TRARG1: variants seen among roughly 807,000 people sequenced by gnomAD.
TRARG1 encodes the protein trafficking regulator of GLUT4 1.
TRARG1 carries 16 observed loss-of-function variants against 13.3 expected under a neutral mutation model. That is an observed-to-expected ratio of 1.20 (90% CI 0.81 to 1.83). The LOEUF (loss-of-function observed/expected upper bound fraction) is 1.83, where lower values mean the gene tolerates loss of function less well. TRARG1 is among the 40% of genes most tolerant of loss of function. TRARG1 has a pLI of 0.00. For missense variants in TRARG1, 250 were observed against 237.4 expected (o/e 1.05, Z -0.35); for synonymous variants, 113 against 106.2 (o/e 1.06, Z -0.39).
intron 1 of TRARG1, among the ~76,000 whole-genome samples, chr17:1,284,457 G>C (rs1042802908): frequency 2.6e-5 from 4 of 152,284 alleles, no homozygotes; most frequent in Non-Finnish European, 5.9e-5. Context: ...AGGGGATGAG[G>C]CTGGCGTTCA....
intron 1 of TRARG1, among the ~76,000 whole-genome samples, chr17:1,282,334 G>GTATATGTACATATGCGTATATATGTACA (rs2071989285): frequency 6.7e-6 from 1 of 148,434 alleles, no homozygotes; most frequent in East Asian, 1.9e-4. Context: ...ATATATGTAC[G>GTATATGTACATATGCGTATATATGTACA]TATATGTACA....
rs2071957393 is a variant in TRARG1, at chr17:1,279,747, T to C, written c.-255T>C. On this transcript the variant is annotated 5_prime_UTR_variant, in exon 1 of 3. Coordinates refer to ENST00000333813, the MANE Select transcript of TRARG1 (RefSeq NM_172367.3). Reference sequence around the variant, plus strand: ...AGCACCAGCAAAGTTGGCCTCAAACTTGAACAAAGCTGCAGGCTCCAGCGT... The same window carrying C: ...AGCACCAGCAAAGTTGGCCTCAAACCTGAACAAAGCTGCAGGCTCCAGCGT... 3 of 469,144 alleles carry C rather than the reference T, an allele frequency of 6.4e-6. No individual in the cohort carries two copies. The highest frequency in any genetic ancestry group is 6.8e-5 in the East Asian group (2 of 29,562). 29.1% of individuals were successfully genotyped at this position (469,144 alleles called of 1,614,324 possible).
chr17:1,282,065 T>TACACATACAC (rs2071979595), intron 1 of TRARG1, among the ~76,000 whole-genome samples: 1 of 149,870 alleles, frequency 6.7e-6, no homozygotes, highest in African/African-American at 2.5e-5. Flanking sequence ...TGTACATGTA[T>TACACATACAC]ACACATATAT....
chr17:1,280,347 G>C lies in TRARG1; in HGVS notation c.346G>C (p.Val116Leu), dbSNP rs56071414. Residue 116 changes from valine to leucine, a missense_variant, in exon 1 of 3, where the codon GTC becomes CTC. Physicochemically the swap from Val to Leu is conservative, Grantham distance 32 (BLOSUM62 1). Coordinates refer to ENST00000333813, the MANE Select transcript of TRARG1 (RefSeq NM_172367.3). The stretch of plus-strand genomic sequence containing the variant: ...GGCCGTCGTCGCCTGCTTCTGCCCC[G>C]TCTGGCCCCTCAACCTCATCCCCCT... ...ILAVVACFCP[V>L]WPLNLIPLII... The C allele has an allele frequency of 6.2e-7, 1 of 1,611,250 alleles. No homozygotes were observed. Among genetic ancestry groups the C allele is most frequent in the African/African-American group, 1.3e-5 (1 of 74,980 alleles).
chr17:1,281,949 C>T (rs1452511322), intron 1 of TRARG1, among the ~76,000 whole-genome samples: 2 of 151,614 alleles, frequency 1.3e-5, no homozygotes, highest in South Asian at 2.1e-4. Flanking sequence ...TACATATATG[C>T]ACATACATGT....
chr17:1,288,327 G>A (rs1435726843), intron 1 of TRARG1, among the ~76,000 whole-genome samples: 1 of 75,704 alleles, frequency 1.3e-5, no homozygotes, highest in Non-Finnish European at 2.4e-5. Context: ...CATCCCCCAC[G>A]GGCTCCTCAT....
chr17:1,286,542 T>TG (rs1439442094), intron 1 of TRARG1, among the ~76,000 whole-genome samples: 1 of 104,840 alleles, frequency 9.5e-6, no homozygotes, highest in East Asian at 3.1e-4. Context: ...TGTTGGCCTG[T>TG]GGGTGTTGTC....
At chr17:1,294,810 T>C (rs948732440) in intron 1 of TRARG1, among the ~76,000 whole-genome samples, 2 of 151,942 alleles carry the variant, frequency 1.3e-5, no homozygotes, top group Admixed American at 6.6e-5. Flanking sequence ...GTCAGCCTCC[T>C]GAGTAGCTGG....
rs781587048 is a variant in TRARG1 at position 1,279,985 on chromosome 17, G to C, written c.-17G>C. 6.3e-7 allele frequency: 1 copy of C among 1,596,430 alleles called. No homozygotes were observed. The highest frequency in any genetic ancestry group is 1.1e-5 in the South Asian group (1 of 88,828). Reference sequence around the variant, plus strand: ...TGTCCCAGCCTGGAGCTGCAGCCGCGCAAGGCCCAGGCCCCCATGGCCCAC... The same window carrying C: ...TGTCCCAGCCTGGAGCTGCAGCCGCCCAAGGCCCAGGCCCCCATGGCCCAC... On this transcript the variant is annotated 5_prime_UTR_variant, in exon 1 of 3. Transcript: ENST00000333813.
In TRARG1 at chr17:1,282,240, ATG is replaced by A. The variant is rs1491367309; in HGVS notation, c.387+1853_387+1854del. 8.1e-5 allele frequency among the ~76,000 whole-genome samples: 11 copies of A among 136,282 alleles called. 1 individual carries two copies. Among genetic ancestry groups the A allele is most frequent in the Admixed American group, 2.1e-4 (3 of 14,182 alleles). 89.4% of individuals were successfully genotyped at this position (136,282 alleles called of 152,430 possible). ...TATACACGTGCGTATATGTACGTATATGCACGTATATGTACGTATATGTACAT... is the reference window on the plus strand; with the variant it reads ...TATACACGTGCGTATATGTACGTATACACGTATATGTACGTATATGTACAT... On this transcript the variant is annotated intron_variant, in intron 1 of 2. Transcript: ENST00000333813.
At chr17:1,281,019 C>T (rs1033803195) in intron 1 of TRARG1, among the ~76,000 whole-genome samples, 1 of 152,164 alleles carries the variant, frequency 6.6e-6, no homozygotes, top group African/African-American at 2.4e-5. Context: ...ACTTCAGCCT[C>T]GTCTTCAGGG....
At position 1,298,564 on chromosome 17, in the gene TRARG1, G is replaced by A. The variant is rs2072129474; in HGVS notation, c.*300G>A. The A allele has an allele frequency of 2.6e-6, 1 of 387,286 alleles. No individual in the cohort carries two copies. Among genetic ancestry groups the A allele is most frequent in the Non-Finnish European group, 4.6e-6 (1 of 217,990 alleles). 24.0% of individuals were successfully genotyped at this position (387,286 alleles called of 1,614,324 possible). A position where few individuals can be genotyped will look rare whatever the true frequency, so the allele number is the denominator to read the frequency against. On this transcript the variant is annotated 3_prime_UTR_variant, in exon 3 of 3. Transcript: ENST00000333813. ...TGTTTCTCATTCCCACAATTTCCTG[G>A]GTTCCACCAAGCAGCGAAAACTGCC...
At chr17:1,288,425 C>A (rs1269757683) in intron 1 of TRARG1, among the ~76,000 whole-genome samples, 2 of 116,518 alleles carry the variant, frequency 1.7e-5, no homozygotes, top group African/African-American at 6.9e-5. Flanking sequence ...ACAGGTTCCT[C>A]ATCCCCCACT....
chr17:1,293,283 CAAA>C lies in TRARG1; in HGVS notation c.388-2190_388-2188del, dbSNP rs55792385. On this transcript the variant is annotated intron_variant, in intron 1 of 2. Coordinates refer to ENST00000333813, the MANE Select transcript of TRARG1 (RefSeq NM_172367.3). ...TGGGCGACAGAGCAAGACTCTGTCTCAAAAAAAAAAAAAAAAAAAAGATAGTGG... is the reference window on the plus strand; with the variant it reads ...TGGGCGACAGAGCAAGACTCTGTCTCAAAAAAAAAAAAAAAAAGATAGTGG... Among the ~76,000 whole-genome samples the C allele has an allele frequency of 6.5e-5, 5 of 77,214 alleles. 1 individual carries two copies. In the South Asian group the frequency reaches 1.7e-3, roughly 26 times the overall value. The allele number at this position is 77,214 out of a possible 152,430, so 50.7% of individuals were successfully genotyped here. A position where few individuals can be genotyped will look rare whatever the true frequency, so the allele number is the denominator to read the frequency against.
chr17:1,282,320 GTA>G (rs1311607244), intron 1 of TRARG1, among the ~76,000 whole-genome samples: 10 of 116,484 alleles, frequency 8.6e-5, no homozygotes, highest in African/African-American at 2.7e-4. Context: ...GCGTATATAT[GTA>G]CATATATGTA....
At chr17:1,282,232 G>A (rs1270857082) in intron 1 of TRARG1, among the ~76,000 whole-genome samples, 8 of 138,792 alleles carry the variant, frequency 5.8e-5, no homozygotes, top group Admixed American at 2.1e-4. Context: ...GTGCGTATAT[G>A]TACGTATATG....
intron 1 of TRARG1, among the ~76,000 whole-genome samples, chr17:1,292,881 C>T (rs768073651): frequency 8.5e-5 from 13 of 152,164 alleles, no homozygotes; most frequent in African/African-American, 1.2e-4. Context: ...GATGCTCCTC[C>T]GCGCTGCTGC....
At chr17:1,293,176 T>G (rs2072084620) in intron 1 of TRARG1, among the ~76,000 whole-genome samples, 1 of 148,660 alleles carries the variant, frequency 6.7e-6, no homozygotes, top group Non-Finnish European at 1.5e-5. Flanking sequence ...CCCAGCTACT[T>G]GGGAGGCTGG....
intron 1 of TRARG1, 57 bp from the exon 2 acceptor site, chr17:1,295,434 A>G (rs1259329321): frequency 2.6e-6 from 4 of 1,536,942 alleles, no homozygotes; most frequent in African/African-American, 2.7e-5. Context: ...GCTGAGGCCC[A>G]TGAAGCTGAC....
Sources: allele counts gnomAD v4.1 joint callset (sites outside exome capture counted in the v4.1 genomes callset), GRCh38; gene constraint gnomAD v4.1.1; transcripts MANE v1.5; gene names NCBI Gene and HGNC (gene_info 2026-07-23, HGNC 2026-07-21).